Variants in DPP6 observed in about 807,000 individuals in gnomAD.
DPP6 encodes the protein A-type potassium channel modulatory protein DPP6.
Under a neutral mutation model 122.6 loss-of-function variants are expected in DPP6, and 69 were observed. The observed-to-expected ratio is 0.56, with a 90% CI of 0.46 to 0.69. The LOEUF (loss-of-function observed/expected upper bound fraction) is 0.69. Ranked by LOEUF, DPP6 falls within the 30% of genes least tolerant of loss-of-function variation. The pLI, the probability that DPP6 is intolerant of heterozygous loss-of-function variation, is 0.00. For missense variants in DPP6, 928 were observed against 1,116.9 expected (o/e 0.83, Z 2.41); for synonymous variants, 418 against 433.1 (o/e 0.97, Z 0.43).
At chr7:154,611,356 A>T (rs968383861) in intron 5 of DPP6, among the ~76,000 whole-genome samples, 1 of 152,180 alleles carries the variant, frequency 6.6e-6, no homozygotes, top group Non-Finnish European at 1.5e-5. Context: ...TTTTATATCT[A>T]GTGCTGAGAG....
At chr7:154,160,169 C>T (rs1796906954) in intron 1 of DPP6, among the ~76,000 whole-genome samples, 1 of 151,556 alleles carries the variant, frequency 6.6e-6, no homozygotes, top group East Asian at 1.9e-4. Flanking sequence ...ATTGGCTACC[C>T]AATCCAGAAC....
chr7:154,858,446 A>ACTGCAAATCCAGAGCGATGCCCGGC (rs1442616591), intron 17 of DPP6: 5 of 152,376 alleles, frequency 3.3e-5, no homozygotes, highest in African/African-American at 1.2e-4. Flanking sequence ...CTGAAGGACA[A>ACTGCAAATCCAGAGCGATGCCCGGC]CTGCAAATCC....
Position 154,524,721 on chromosome 7 carries a change from G to A in DPP6, c.458-15811G>A, listed in dbSNP as rs534761014. 3.8e-3 allele frequency among the ~76,000 whole-genome samples: 581 copies of A among 152,238 alleles called. 2 individuals are homozygous for A. Among genetic ancestry groups the A allele is most frequent in the Non-Finnish European group, 6.9e-3 (471 of 68,024 alleles). The stretch of plus-strand genomic sequence containing the variant: ...CGCTTCTACTTACTGATATTCCATT[G>A]CCCAATTCTAGTCCTGTGTCTGAGC... On this transcript the variant is annotated intron_variant, in intron 3 of 25. Transcript: ENST00000377770.
At chr7:153,950,063 G>C (rs982866763) in intron 1 of DPP6, among the ~76,000 whole-genome samples, 1 of 151,944 alleles carries the variant, frequency 6.6e-6, no homozygotes, top group Non-Finnish European at 1.5e-5. Context: ...AGACAGACAG[G>C]GCAAGAGCAC....
intron 10 of DPP6, among the ~76,000 whole-genome samples, chr7:154,788,541 A>T (rs1029276461): frequency 1.3e-5 from 2 of 152,232 alleles, no homozygotes; most frequent in Non-Finnish European, 2.9e-5. Context: ...TTAGCAATAG[A>T]CAGAAAGGAG....
chr7:154,651,542 G>A (rs1836874493), intron 6 of DPP6, among the ~76,000 whole-genome samples: 2 of 152,134 alleles, frequency 1.3e-5, no homozygotes, highest in Middle Eastern at 3.2e-3. Context: ...CGGAGCTAGG[G>A]CCAAATGAGT....
chr7:154,063,237 C>A (rs370581043), intron 1 of DPP6, among the ~76,000 whole-genome samples: 1 of 131,370 alleles, frequency 7.6e-6, no homozygotes, highest in Non-Finnish European at 1.6e-5. Context: ...GACTGAGAGC[C>A]AGCCCCTATT....
rs200386577 is a variant in DPP6, at chr7:154,774,264, A to AT, written c.1136+1327dup. ...GAGTTGAATTGATTTGGCTGGTGAT[A>AT]TTTTTGCTGAGATTTAAAAAAAAAA... On this transcript the variant is annotated intron_variant, in intron 10 of 25. Coordinates refer to ENST00000377770, the MANE Select transcript of DPP6 (RefSeq NM_130797.4). Among the ~76,000 whole-genome samples, 1,052 of 151,700 alleles carry AT rather than the reference A, an allele frequency of 6.9e-3. 10 individuals carry two copies. The highest frequency in any genetic ancestry group is 0.024 in the African/African-American group (995 of 41,298).
chr7:154,098,549 C>A (rs1448402051), intron 1 of DPP6, among the ~76,000 whole-genome samples: 2 of 151,336 alleles, frequency 1.3e-5, no homozygotes, highest in African/African-American at 4.9e-5. Flanking sequence ...CTTTGTCTAA[C>A]ACACTATGGT....
intron 1 of DPP6, among the ~76,000 whole-genome samples, chr7:154,312,896 G>A (rs1241460696): frequency 2.6e-5 from 4 of 152,168 alleles, no homozygotes; most frequent in African/African-American, 4.8e-5. Context: ...ATGTGACAGA[G>A]GTGGTCTTGA....
At chr7:153,868,390 G>A in the DPP6 span, among the ~76,000 whole-genome samples, 2 of 152,288 alleles carry the variant, frequency 1.3e-5, no homozygotes, top group East Asian at 3.9e-4. Context: ...GAGGGTGTAT[G>A]TGTCTAGGAA....
At chr7:154,060,442 C>G (rs377639521) in intron 1 of DPP6, among the ~76,000 whole-genome samples, 4 of 85,426 alleles carry the variant, frequency 4.7e-5, no homozygotes, top group African/African-American at 1.0e-4. Flanking sequence ...GCGGGGACTG[C>G]GAGCCAGACC....
At chr7:154,184,294 AT>A (rs1798244348) in intron 1 of DPP6, among the ~76,000 whole-genome samples, 3 of 150,892 alleles carry the variant, frequency 2.0e-5, no homozygotes. Flanking sequence ...GAAAACACCC[AT>A]TTTTCCCCTG....
At position 154,112,844 on chromosome 7, in the gene DPP6, T is replaced by C. The variant is rs1806693849; in HGVS notation, c.243+59781T>C. On this transcript the variant is annotated intron_variant, in intron 1 of 25. Transcript: ENST00000377770. The stretch of plus-strand genomic sequence containing the variant: ...GGATACAGCAAATATCTAGAACTTA[T>C]TTCATTTTGCACAACTGAAACTTTG... 3.3e-5 allele frequency among the ~76,000 whole-genome samples: 5 copies of C among 152,330 alleles called. 1 individual carries two copies. The South Asian group carries it at 8.3e-4, about 25-fold the overall frequency.
At chr7:154,856,830 C>T (rs2049483) in intron 17 of DPP6, among the ~76,000 whole-genome samples, 7,548 of 152,250 alleles carry the variant, frequency 0.05, 624 homozygotes, top group African/African-American at 0.17. Context: ...TGGGACCCAG[C>T]GGCTTAAGAA....
intron 1 of DPP6, among the ~76,000 whole-genome samples, chr7:153,989,120 G>T (rs564086454): frequency 7.5e-4 from 112 of 150,054 alleles, no homozygotes; most frequent in African/African-American, 2.5e-3. Flanking sequence ...GTGGGCGGAG[G>T]AGGGCGGCTC....
At chr7:154,531,858 A>G (rs1827863077) in intron 3 of DPP6, among the ~76,000 whole-genome samples, 1 of 152,156 alleles carries the variant, frequency 6.6e-6, no homozygotes, top group African/African-American at 2.4e-5. Flanking sequence ...TGAAAATTTA[A>G]TGGTATATAT....
chr7:154,227,746 TG>T (rs1800696186), intron 1 of DPP6, among the ~76,000 whole-genome samples: 1 of 152,074 alleles, frequency 6.6e-6, no homozygotes, highest in Non-Finnish European at 1.5e-5. Context: ...AAGACTTATT[TG>T]GGGAGATTGT....
intron 1 of DPP6, among the ~76,000 whole-genome samples, chr7:153,963,117 A>G (rs1795442662): frequency 6.6e-6 from 1 of 152,232 alleles, no homozygotes; most frequent in African/African-American, 2.4e-5. Context: ...TGTTTCAAGG[A>G]ATATACCATA....
Sources: allele counts gnomAD v4.1 joint callset (sites outside exome capture counted in the v4.1 genomes callset), GRCh38; gene constraint gnomAD v4.1.1; transcripts MANE v1.5; gene names NCBI Gene and HGNC (gene_info 2026-07-23, HGNC 2026-07-21).